EHF: variants seen among roughly 807,000 people sequenced by gnomAD.
The protein encoded by EHF is ETS homologous factor, also known as ESE3 transcription factor.
Under a neutral mutation model 45.1 loss-of-function variants are expected in EHF, and 14 were observed. The observed-to-expected ratio is 0.31, with a 90% CI of 0.21 to 0.49. EHF has a LOEUF of 0.49. Among genes scored for constraint, EHF ranks in the 20% least tolerant of loss-of-function variants. EHF has a pLI of 0.99. For synonymous variants in EHF, 136 were observed against 131.8 expected, an observed-to-expected ratio of 1.03 and a Z score of -0.22; for missense variants, 282 against 371.4, an observed-to-expected ratio of 0.76 and a Z score of 1.98.
chr11:34,634,004 C>T (rs979751608), intron 1 of EHF, among the ~76,000 whole-genome samples: 5 of 152,206 alleles, frequency 3.3e-5, no homozygotes, highest in Admixed American at 6.5e-5. Flanking sequence ...AATAATACCT[C>T]AGATGTTGCC....
intron 6 of EHF, among the ~76,000 whole-genome samples, chr11:34,655,651 T>C (rs1056767469): frequency 2.0e-5 from 3 of 152,214 alleles, no homozygotes; most frequent in Admixed American, 1.3e-4. Flanking sequence ...ACCTGTGTCA[T>C]AGAGTTATTG....
At chr11:34,632,809 G>C (rs79034395) in intron 1 of EHF, among the ~76,000 whole-genome samples, 109 of 152,230 alleles carry the variant, frequency 7.2e-4, no homozygotes, top group East Asian at 6.8e-3. Flanking sequence ...ATCAGGGTAG[G>C]GCAGCGTCTA....
At chr11:34,636,049 TG>T (rs1349957996) in intron 1 of EHF, among the ~76,000 whole-genome samples, 9 of 152,310 alleles carry the variant, frequency 5.9e-5, no homozygotes, top group Admixed American at 2.6e-4. Context: ...TGGAGAAGAC[TG>T]TACAGATAAG....
chr11:34,642,451 AT>A (rs1854104152), intron 1 of EHF, 176 bp from the exon 2 acceptor site: 1 of 528,810 alleles, frequency 1.9e-6, no homozygotes, highest in Admixed American at 3.1e-5. Flanking sequence ...GAACCTGGAA[AT>A]TTTTAATTGC....
chr11:34,625,552 T>C (rs1243025366), intron 1 of EHF, among the ~76,000 whole-genome samples: 3 of 152,216 alleles, frequency 2.0e-5, no homozygotes, highest in Non-Finnish European at 4.4e-5. Context: ...CCCCAGCCAC[T>C]GAGCAGCCTA....
At chr11:34,630,469 T>G (rs1852773816) in intron 1 of EHF, among the ~76,000 whole-genome samples, 1 of 152,214 alleles carries the variant, frequency 6.6e-6, no homozygotes, top group Non-Finnish European at 1.5e-5. Flanking sequence ...GTCATAGTTT[T>G]TGTTGTTGTT....
At chr11:34,621,558 C>T (rs1851991972) in intron 1 of EHF, among the ~76,000 whole-genome samples, 1 of 152,188 alleles carries the variant, frequency 6.6e-6, no homozygotes, top group Non-Finnish European at 1.5e-5. Context: ...AAATAGGCAG[C>T]TAGAGATAGG....
chr11:34,626,752 G>C (rs1420190002), intron 1 of EHF, among the ~76,000 whole-genome samples: 1 of 152,204 alleles, frequency 6.6e-6, no homozygotes, highest in South Asian at 2.1e-4. Flanking sequence ...GGGGTAGGAG[G>C]CTAAGAGATT....
chr11:34,655,493 A>G (rs1228846929), intron 6 of EHF, among the ~76,000 whole-genome samples: 1 of 152,228 alleles, frequency 6.6e-6, no homozygotes, highest in Non-Finnish European at 1.5e-5. Flanking sequence ...GAAATGACAT[A>G]GAATCATGGT....
rs560115683 is a variant in EHF, at chr11:34,650,718, T to TG, written c.407-819dup. Among the ~76,000 whole-genome samples, 6 of 152,180 alleles carry TG rather than the reference T, an allele frequency of 3.9e-5. No homozygotes were observed. The South Asian group carries it at 1.2e-3, about 32-fold the overall frequency. ...CTTCTGTTGGAGACCAGCCCAGATC[T>TG]GGGGGTTGCGTAGGAGTTGAGCTCC... On this transcript the variant is annotated intron_variant, in intron 4 of 8. Transcript: ENST00000257831.
chr11:34,643,481 A>G (rs1854226717), intron 2 of EHF, among the ~76,000 whole-genome samples: 2 of 152,344 alleles, frequency 1.3e-5, no homozygotes, highest in South Asian at 4.1e-4. Flanking sequence ...ACCCACTGCT[A>G]ATCTGCCTGC....
chr11:34,650,186 C>T (rs1391382574), intron 4 of EHF, among the ~76,000 whole-genome samples: 1 of 152,084 alleles, frequency 6.6e-6, no homozygotes, highest in African/African-American at 2.4e-5. Context: ...TGGAGAGGTC[C>T]CAAATAACTT....
At chr11:34,625,682 G>A (rs755960828) in intron 1 of EHF, among the ~76,000 whole-genome samples, 13 of 152,182 alleles carry the variant, frequency 8.5e-5, no homozygotes, top group Non-Finnish European at 1.6e-4. Context: ...AATTGACCTT[G>A]TTTTAAAAGA....
At position 34,658,965 on chromosome 11, in the gene EHF, A is replaced by G. The variant is rs373500753; in HGVS notation, c.*34A>G. 6.4e-5 allele frequency: 95 copies of G among 1,495,804 alleles called. No homozygotes were observed. Among genetic ancestry groups the G allele is most frequent in the Non-Finnish European group, 7.7e-5 (84 of 1,090,116 alleles). 92.7% of individuals were successfully genotyped at this position (1,495,804 alleles called of 1,614,324 possible). On this transcript the variant is annotated 3_prime_UTR_variant, in exon 9 of 9. Coordinates refer to ENST00000257831, the MANE Select transcript of EHF (RefSeq NM_012153.6). Reference sequence around the variant, plus strand: ...ATACTTTGGACACAAACCAAAACACACACCAAATAATCAGAAACAAAGAAC... The same window carrying G: ...ATACTTTGGACACAAACCAAAACACGCACCAAATAATCAGAAACAAAGAAC...
rs753185256 is a variant in EHF, at chr11:34,651,691, G to C, written c.476-46G>C. 4.3e-6 allele frequency: 7 copies of C among 1,609,940 alleles called. No homozygotes were observed. The African/African-American group carries it at 8.0e-5, about 18-fold the overall frequency. ...AGCCACAGTGTTCTATTGTGAGGTG[G>C]GGGGAGGGGGTGCTCTAAATGTCCT... is the stretch of plus-strand genomic sequence containing the variant. On this transcript the variant is annotated intron_variant, in intron 5 of 8. Coordinates refer to ENST00000257831, the MANE Select transcript of EHF (RefSeq NM_012153.6).
chr11:34,627,173 C>A (rs1258759557), intron 1 of EHF, among the ~76,000 whole-genome samples: 1 of 150,694 alleles, frequency 6.6e-6, no homozygotes, highest in Non-Finnish European at 1.5e-5. Context: ...TCACTGTGAC[C>A]TTAGGAAAGA....
At chr11:34,630,550 C>G (rs1372153540) in intron 1 of EHF, among the ~76,000 whole-genome samples, 1 of 152,026 alleles carries the variant, frequency 6.6e-6, no homozygotes, top group Non-Finnish European at 1.5e-5. Context: ...ACATCTTGGT[C>G]TTTTCCTAGG....
chr11:34,651,443 C>T (rs1855154590), intron 4 of EHF, 99 bp from the exon 5 acceptor site: 4 of 937,122 alleles, frequency 4.3e-6, no homozygotes, highest in Admixed American at 3.6e-5. Context: ...CCACTCCTCA[C>T]CCCCCATACT....
At chr11:34,650,077 C>T (rs1351167820) in intron 4 of EHF, among the ~76,000 whole-genome samples, 1 of 152,232 alleles carries the variant, frequency 6.6e-6, no homozygotes, top group East Asian at 1.9e-4. Flanking sequence ...ACAGGCCTGG[C>T]CTTGCCCTAG....
Sources: gnomAD v4.1 joint callset for allele counts (sites outside exome capture counted in the v4.1 genomes callset) on GRCh38, gnomAD v4.1.1 for gene constraint, MANE v1.5 for transcripts, NCBI Gene and HGNC (gene_info 2026-07-23, HGNC 2026-07-21) for gene names.